Variants in SCML4 observed in about 807,000 individuals in gnomAD.
The protein encoded by SCML4 is Scm polycomb group protein like 4, also known as sex comb on midleg-like protein 4.
SCML4 carries 34 observed loss-of-function variants against 41.1 expected under a neutral mutation model. The ratio of observed to expected loss-of-function variants is 0.83; its 90% CI spans 0.63 to 1.10. The LOEUF is 1.10. SCML4 is among the 50% of genes least tolerant of loss of function. The pLI, the probability that SCML4 is intolerant of heterozygous loss-of-function variation, is 0.00. For missense variants in SCML4, 522 were observed against 534.1 expected, an observed-to-expected ratio of 0.98 and a Z score of 0.22; for synonymous variants, 214 against 220.9, an observed-to-expected ratio of 0.97 and a Z score of 0.28.
chr6:107,810,463 A>T (rs1311308980), intron 1 of SCML4, among the ~76,000 whole-genome samples: 1 of 152,124 alleles, frequency 6.6e-6, no homozygotes, highest in Non-Finnish European at 1.5e-5. Flanking sequence ...GCCAGAAAGG[A>T]AGAGATAGGT....
chr6:107,771,681 C>A (rs1780531619), intron 2 of SCML4, among the ~76,000 whole-genome samples: 1 of 152,210 alleles, frequency 6.6e-6, no homozygotes, highest in Non-Finnish European at 1.5e-5. Flanking sequence ...TTATGACTCT[C>A]TGTGTTGAGG....
chr6:107,762,705 C>G (rs1345263037), intron 2 of SCML4, among the ~76,000 whole-genome samples: 1 of 152,050 alleles, frequency 6.6e-6, no homozygotes, highest in East Asian at 1.9e-4. Flanking sequence ...CTATCAGAAG[C>G]TGGGAGAGAG....
chr6:107,765,955 T>C (rs1779999627), intron 2 of SCML4, among the ~76,000 whole-genome samples: 1 of 152,254 alleles, frequency 6.6e-6, no homozygotes, highest in African/African-American at 2.4e-5. Context: ...ACAATGTGAA[T>C]AGCACAAAAT....
chr6:107,774,951 C>T (rs532620020), intron 1 of SCML4, among the ~76,000 whole-genome samples: 17 of 151,060 alleles, frequency 1.1e-4, no homozygotes, highest in Middle Eastern at 3.4e-3. Flanking sequence ...GCTAAGATCG[C>T]GCCACTGCAC....
intron 5 of SCML4, among the ~76,000 whole-genome samples, chr6:107,726,899 T>C (rs1300979307): frequency 6.6e-6 from 1 of 152,230 alleles, no homozygotes; most frequent in Non-Finnish European, 1.5e-5. Flanking sequence ...ATTATACTCC[T>C]AGGTATGTAC....
intron 5 of SCML4, chr6:107,740,287 C>A: frequency 2.5e-6 from 1 of 398,236 alleles, no homozygotes; most frequent in Non-Finnish European, 5.1e-6. Context: ...GGTGGAAAGC[C>A]AGTTTTACAC....
At chr6:107,820,663 G>C (rs139245875) in intron 1 of SCML4, among the ~76,000 whole-genome samples, 1 of 152,118 alleles carries the variant, frequency 6.6e-6, no homozygotes, top group African/African-American at 2.4e-5. Flanking sequence ...ACCAAGACGA[G>C]TGCAACAATG....
At chr6:107,720,342 G>A in intron 6 of SCML4, 2 of 987,670 alleles carry the variant, frequency 2.0e-6, no homozygotes. Flanking sequence ...GCTGTAGAGG[G>A]TGGCAGAGCC....
intron 1 of SCML4, among the ~76,000 whole-genome samples, chr6:107,772,756 T>C (rs1275945688): frequency 6.6e-6 from 1 of 152,204 alleles, no homozygotes; most frequent in Non-Finnish European, 1.5e-5. Flanking sequence ...GTAACAATAA[T>C]ATTAAATAAA....
intron 5 of SCML4, among the ~76,000 whole-genome samples, chr6:107,736,383 T>C (rs1777067756): frequency 6.6e-6 from 1 of 152,182 alleles, no homozygotes; most frequent in Admixed American, 6.5e-5. Flanking sequence ...ACGCAGCCAG[T>C]GCTGGATAAC....
At chr6:107,739,393 T>C (rs1281283691) in intron 5 of SCML4, among the ~76,000 whole-genome samples, 2 of 152,144 alleles carry the variant, frequency 1.3e-5, no homozygotes, top group Non-Finnish European at 2.9e-5. Flanking sequence ...ACCAAAAACA[T>C]CCCAGTTCTT....
intron 6 of SCML4, among the ~76,000 whole-genome samples, chr6:107,718,010 G>T (rs1190235775): frequency 1.3e-5 from 2 of 152,208 alleles, no homozygotes; most frequent in African/African-American, 2.4e-5. Flanking sequence ...CTCTCCTGGG[G>T]TGCAACCAGG....
At chr6:107,714,580 C>T (rs1774562049) in intron 6 of SCML4, among the ~76,000 whole-genome samples, 1 of 152,162 alleles carries the variant, frequency 6.6e-6, no homozygotes, top group Non-Finnish European at 1.5e-5. Context: ...GAGAACAGGG[C>T]CGGTGTCCAT....
chr6:107,709,111 C>G (rs781518234), intron 6 of SCML4, among the ~76,000 whole-genome samples: 8 of 152,254 alleles, frequency 5.3e-5, no homozygotes, highest in Non-Finnish European at 1.0e-4. Flanking sequence ...GGGCCATGTC[C>G]TTTTCTTCCT....
Position 107,703,913 on chromosome 6 carries a change from A to C in SCML4, c.*1287T>G, listed in dbSNP as rs1452597251. Among the ~76,000 whole-genome samples, 1 of 152,246 alleles carries C rather than the reference A, an allele frequency of 6.6e-6. No individual in the cohort carries two copies. The highest frequency in any genetic ancestry group is 1.5e-5 in the Non-Finnish European group (1 of 68,038). On this transcript the variant is annotated 3_prime_UTR_variant, in exon 8 of 8. Coordinates refer to ENST00000369020, the MANE Select transcript of SCML4 (RefSeq NM_198081.5). ...TGTTTTCTGCTCAGTGTGAAAGAAG[A>C]AGAAGAGAGGTGGAGGGAAACAGAG...
intron 1 of SCML4, among the ~76,000 whole-genome samples, chr6:107,772,770 AG>A (rs1235418609): frequency 6.6e-6 from 1 of 152,172 alleles, no homozygotes; most frequent in Non-Finnish European, 1.5e-5. Flanking sequence ...AAATAAACAA[AG>A]CCACTCTCTC....
chr6:107,750,556 G>A (rs1397943536), intron 2 of SCML4, among the ~76,000 whole-genome samples: 2 of 152,184 alleles, frequency 1.3e-5, no homozygotes, highest in Non-Finnish European at 1.5e-5. Context: ...AATGAAGAAA[G>A]TCAGTCATGT....
intron 2 of SCML4, among the ~76,000 whole-genome samples, chr6:107,753,383 C>T (rs941882081): frequency 2.6e-5 from 4 of 152,162 alleles, no homozygotes; most frequent in African/African-American, 7.2e-5. Context: ...TTCACATCCA[C>T]GTTCACGGCA....
In SCML4 at chr6:107,733,696, G is replaced by A. The variant is rs138001763; in HGVS notation, c.682+11253C>T. Among the ~76,000 whole-genome samples, 70 of 152,296 alleles carry A rather than the reference G, an allele frequency of 4.6e-4. 2 individuals are homozygous for A. The East Asian group carries it at 9.1e-3, about 20-fold the overall frequency. On this transcript the variant is annotated intron_variant, in intron 5 of 7. Coordinates refer to ENST00000369020, the MANE Select transcript of SCML4 (RefSeq NM_198081.5). Reference sequence around the variant, plus strand: ...AACCTGTGCAGGTCCTGGAGGCCTCGAATGGCTGCATCTCACATACCCTGT... The same window carrying A: ...AACCTGTGCAGGTCCTGGAGGCCTCAAATGGCTGCATCTCACATACCCTGT...
Sources: allele counts gnomAD v4.1 joint callset (sites outside exome capture counted in the v4.1 genomes callset), GRCh38; gene constraint gnomAD v4.1.1; transcripts MANE v1.5; gene names NCBI Gene and HGNC (gene_info 2026-07-23, HGNC 2026-07-21).